The following TMEM45A variants were observed in gnomAD, a reference collection of about 807,000 sequenced individuals.
TMEM45A encodes DNA polymerase-transactivated protein 4.
Under a neutral mutation model 32.0 loss-of-function variants are expected in TMEM45A, and 25 were observed. The observed-to-expected ratio is 0.78, with a 90% CI of 0.57 to 1.09. TMEM45A has a LOEUF of 1.09. TMEM45A is among the 50% of genes least tolerant of loss of function. TMEM45A has a pLI of 0.00. For missense variants in TMEM45A, 302 were observed against 325.0 expected (o/e 0.93, Z 0.54); for synonymous variants, 122 against 114.8 (o/e 1.06, Z -0.40).
intron 1 of TMEM45A, among the ~76,000 whole-genome samples, chr3:100,549,611 T>C (rs536729261): frequency 6.6e-6 from 1 of 152,308 alleles, no homozygotes; most frequent in South Asian, 2.1e-4. Flanking sequence ...AGTCTGAAGG[T>C]TTACCTGCTC....
chr3:100,539,665 G>A (rs775506089), intron 1 of TMEM45A, among the ~76,000 whole-genome samples: 3 of 151,960 alleles, frequency 2.0e-5, no homozygotes, highest in Non-Finnish European at 1.5e-5. Context: ...AGGAGAAGAC[G>A]GATGCCTCAG....
chr3:100,560,752 G>A (rs1471564990), intron 4 of TMEM45A, among the ~76,000 whole-genome samples: 3 of 152,140 alleles, frequency 2.0e-5, no homozygotes, highest in Non-Finnish European at 4.4e-5. Flanking sequence ...GACAAGAGGG[G>A]AAACCCCAAG....
At chr3:100,549,405 C>T (rs1706047090) in intron 1 of TMEM45A, among the ~76,000 whole-genome samples, 1 of 152,202 alleles carries the variant, frequency 6.6e-6, no homozygotes, top group South Asian at 2.1e-4. Context: ...CTGTCTGTCT[C>T]CATGGCCTGC....
At chr3:100,502,972 C>T (rs935932210) in intron 1 of TMEM45A, among the ~76,000 whole-genome samples, 1 of 151,714 alleles carries the variant, frequency 6.6e-6, no homozygotes, top group African/African-American at 2.4e-5. Flanking sequence ...TCTCCTCCTT[C>T]TCCTTCTCCT....
intron 1 of TMEM45A, among the ~76,000 whole-genome samples, chr3:100,516,377 A>G (rs1708261900): frequency 6.6e-6 from 1 of 152,188 alleles, no homozygotes; most frequent in East Asian, 1.9e-4. Flanking sequence ...GTAATGAGTA[A>G]AAGAGGTGGG....
intron 5 of TMEM45A, chr3:100,570,809 T>G (rs555969936): frequency 6.6e-6 from 1 of 152,408 alleles, no homozygotes; most frequent in African/African-American, 2.4e-5. Context: ...ACTCCATTTT[T>G]TATTTTCCAA....
At chr3:100,556,309 T>C (rs2148982527) in intron 2 of TMEM45A, among the ~76,000 whole-genome samples, 1 of 152,338 alleles carries the variant, frequency 6.6e-6, no homozygotes, top group South Asian at 2.1e-4. Context: ...TTATCATAAT[T>C]GGAGAAAAGC....
intron 4 of TMEM45A, 80 bp downstream of exon 4, chr3:100,558,669 C>T (rs548654290): frequency 2.1e-5 from 30 of 1,439,116 alleles, no homozygotes; most frequent in East Asian, 4.6e-5. Flanking sequence ...AGTTTGCTCC[C>T]GGAGACTTCC....
At chr3:100,513,296 C>T (rs1217342208) in intron 1 of TMEM45A, among the ~76,000 whole-genome samples, 1 of 152,156 alleles carries the variant, frequency 6.6e-6, no homozygotes, top group East Asian at 1.9e-4. Flanking sequence ...TGGGCTTCAT[C>T]CCTGGGATGC....
At chr3:100,563,247 C>CA (rs1483089039) in intron 4 of TMEM45A, among the ~76,000 whole-genome samples, 1 of 152,182 alleles carries the variant, frequency 6.6e-6, no homozygotes, top group Non-Finnish European at 1.5e-5. Flanking sequence ...CCTATGTCTT[C>CA]ACATGGCCTT....
At chr3:100,539,432 G>GATATGCATATGT (rs1183330652) in intron 1 of TMEM45A, among the ~76,000 whole-genome samples, 1 of 83,032 alleles carries the variant, frequency 1.2e-5, no homozygotes, top group Non-Finnish European at 2.7e-5. Context: ...AACCCAATAG[G>GATATGCATATGT]ATATGTATAT....
intron 1 of TMEM45A, among the ~76,000 whole-genome samples, chr3:100,539,444 T>TATGC (rs1559644487): frequency 0.062 from 5,625 of 90,400 alleles, 473 homozygotes; most frequent in African/African-American, 0.19. Flanking sequence ...TATGTATATG[T>TATGC]ATATGTATAT....
intron 1 of TMEM45A, among the ~76,000 whole-genome samples, chr3:100,498,661 T>C (rs1355685857): frequency 1.3e-5 from 2 of 152,220 alleles, no homozygotes; most frequent in Non-Finnish European, 2.9e-5. Context: ...TTTTGGCTAC[T>C]GGGAATAATG....
At chr3:100,560,259 CTCTT>C (rs1559651611) in intron 4 of TMEM45A, among the ~76,000 whole-genome samples, 1 of 127,272 alleles carries the variant, frequency 7.9e-6, no homozygotes, top group African/African-American at 2.9e-5. Flanking sequence ...CTCTCTCTCT[CTCTT>C]TTTTTTTTTT....
In TMEM45A at chr3:100,502,892, G is replaced by A. The variant is rs533917272; in HGVS notation, c.-4+9964G>A. On this transcript the variant is annotated intron_variant, in intron 1 of 5. Transcript: ENST00000323523. Reference sequence around the variant, plus strand: ...CTAAACCTTGGGGATAAAGACCAGAGGAAGACAGAGTGAAAAGGGAGTAAA... The same window carrying A: ...CTAAACCTTGGGGATAAAGACCAGAAGAAGACAGAGTGAAAAGGGAGTAAA... Among the ~76,000 whole-genome samples the A allele has an allele frequency of 1.1e-4, 17 of 152,302 alleles. No individual in the cohort carries two copies. The South Asian group carries it at 3.1e-3, about 28-fold the overall frequency.
At chr3:100,505,704 G>A (rs544685409) in intron 1 of TMEM45A, among the ~76,000 whole-genome samples, 1 of 152,266 alleles carries the variant, frequency 6.6e-6, no homozygotes, top group Admixed American at 6.5e-5. Flanking sequence ...CCTTTTGCCT[G>A]ACACAACCAA....
intron 5 of TMEM45A, among the ~76,000 whole-genome samples, chr3:100,575,343 C>T (rs1383295161): frequency 6.7e-6 from 1 of 149,566 alleles, no homozygotes; most frequent in Non-Finnish European, 1.5e-5. Flanking sequence ...ATCCGTGCTT[C>T]CCCCAGGCCT....
chr3:100,512,524 A>C (rs962936933), intron 1 of TMEM45A, among the ~76,000 whole-genome samples: 29 of 152,254 alleles, frequency 1.9e-4, no homozygotes, highest in Non-Finnish European at 8.8e-5. Context: ...AGAAAGGAGG[A>C]AAGATCCAAA....
rs747180406 is a variant in TMEM45A, at chr3:100,555,408, G to A, written c.190+7G>A. The A allele has an allele frequency of 3.7e-6, 6 of 1,609,498 alleles. No individual in the cohort carries two copies. Among genetic ancestry groups the A allele is most frequent in the Non-Finnish European group, 4.2e-6 (5 of 1,177,476 alleles). On this transcript the variant is annotated splice_region_variant and intron_variant, in intron 2 of 5. Coordinates refer to ENST00000323523, the MANE Select transcript of TMEM45A (RefSeq NM_018004.3). Reference sequence around the variant, plus strand: ...GTTGGCATGGCTTTAACTGGTGAGTGGACCATTCTGTGTTCTATTTTTACC... The same window carrying A: ...GTTGGCATGGCTTTAACTGGTGAGTAGACCATTCTGTGTTCTATTTTTACC...
Sources: gnomAD v4.1 joint callset for allele counts (sites outside exome capture counted in the v4.1 genomes callset) on GRCh38, gnomAD v4.1.1 for gene constraint, MANE v1.5 for transcripts, NCBI Gene and HGNC (gene_info 2026-07-23, HGNC 2026-07-21) for gene names.